The following ODAD2 variants were observed in gnomAD, a reference collection of about 807,000 sequenced individuals.
The protein encoded by ODAD2 is outer dynein arm docking complex subunit 2.
ODAD2 carries 89 observed loss-of-function variants against 106.8 expected under a neutral mutation model. The observed-to-expected ratio is 0.83, with a 90% confidence interval of 0.70 to 0.99. The LOEUF (loss-of-function observed/expected upper bound fraction) is 0.99, where lower values mean the gene tolerates loss of function less well. Ranked by LOEUF, ODAD2 falls within the 50% of genes least tolerant of loss-of-function variation. The pLI, the probability that ODAD2 is intolerant of heterozygous loss-of-function variation, is 0.00. For missense variants in ODAD2, 1,168 were observed against 1,238.5 expected (o/e 0.94, Z 0.85); for synonymous variants, 404 against 436.2 (o/e 0.93, Z 0.92).
chr10:27,957,306 A>C (rs1847801446), intron 10 of ODAD2: 1 of 152,240 alleles, frequency 6.6e-6, no homozygotes, highest in African/African-American at 2.4e-5. Flanking sequence ...CAGGGGGCTG[A>C]GAGTGAAGAA....
At position 27,961,606 on chromosome 10, in the gene ODAD2, C is replaced by G; in HGVS notation, c.1348G>C (p.Glu450Gln). Reference sequence around the variant, plus strand: ...ACCAGCTTCTGAATTTGCCAATATTCTGATGGCAAATCTGCACTTGCTTCC... The same window carrying G: ...ACCAGCTTCTGAATTTGCCAATATTGTGATGGCAAATCTGCACTTGCTTCC... ...RQEASADLPS[E>Q]YWQIQKLVKY... Residue 450 changes from glutamate to glutamine, a missense_variant, in exon 10 of 20, where the codon GAA (glutamate) becomes CAA (glutamine). Physicochemically the swap from Glu to Gln is conservative, Grantham distance 29. Around this residue, in one of 3 missense-constraint regions of ODAD2, gnomAD observed 37 missense variants for 74.1 expected, o/e 0.50. Coordinates refer to ENST00000305242, the MANE Select transcript of ODAD2 (RefSeq NM_018076.5). 1 of 1,612,064 alleles carries G rather than the reference C, an allele frequency of 6.2e-7. No homozygotes were observed. The highest frequency in any genetic ancestry group is 2.2e-5 in the East Asian group (1 of 44,864).
intron 16 of ODAD2, among the ~76,000 whole-genome samples, chr10:27,918,874 T>C (rs191294808): frequency 2.3e-3 from 347 of 150,818 alleles, no homozygotes; most frequent in African/African-American, 8.0e-3. Flanking sequence ...TATACAAAGG[T>C]ATATTCAAAA....
At chr10:27,911,074 T>G (rs1422901886) in intron 16 of ODAD2, among the ~76,000 whole-genome samples, 1 of 152,146 alleles carries the variant, frequency 6.6e-6, no homozygotes, top group Non-Finnish European at 1.5e-5. Context: ...ATACACAGAT[T>G]TTTTTCCAAA....
At chr10:27,980,502 T>C (rs867508934) in intron 7 of ODAD2, among the ~76,000 whole-genome samples, 35 of 151,990 alleles carry the variant, frequency 2.3e-4, no homozygotes, top group African/African-American at 8.2e-4. Context: ...ATTTAAAATA[T>C]AAGCTAAGGA....
intron 1 of ODAD2, 37 bp from the exon 2 acceptor site, chr10:27,995,217 C>T: frequency 6.4e-7 from 1 of 1,550,526 alleles, no homozygotes; most frequent in Non-Finnish European, 8.7e-7. Flanking sequence ...ACAACAGCGT[C>T]CACCTTTTCC....
intron 10 of ODAD2, among the ~76,000 whole-genome samples, chr10:27,961,001 A>G (rs185729453): frequency 6.1e-4 from 93 of 152,298 alleles, no homozygotes; most frequent in Non-Finnish European, 7.9e-4. Flanking sequence ...ATTATTATGT[A>G]AAATATTCTC....
chr10:27,958,935 C>T, intron 10 of ODAD2: 1 of 1,303,868 alleles, frequency 7.7e-7, no homozygotes. Flanking sequence ...CTTCCTGATC[C>T]ATCTTTTGTT....
chr10:27,876,000 G>A (rs1012695715), intron 17 of ODAD2, among the ~76,000 whole-genome samples: 1 of 152,178 alleles, frequency 6.6e-6, no homozygotes, highest in Non-Finnish European at 1.5e-5. Flanking sequence ...CCTGGGGGAG[G>A]GGCACCCGCC....
intron 2 of ODAD2, among the ~76,000 whole-genome samples, chr10:27,991,364 G>A (rs1588673353): frequency 6.6e-6 from 1 of 152,266 alleles, no homozygotes; most frequent in East Asian, 1.9e-4. Flanking sequence ...CATGAACAGG[G>A]CTATGCCCAT....
chr10:27,915,423 C>T (rs1202895087), intron 16 of ODAD2, among the ~76,000 whole-genome samples: 1 of 152,028 alleles, frequency 6.6e-6, no homozygotes, highest in Non-Finnish European at 1.5e-5. Flanking sequence ...GTAGAAGGGG[C>T]AAAGGAGCTC....
At chr10:27,905,932 A>C (rs1843556762) in intron 17 of ODAD2, among the ~76,000 whole-genome samples, 1 of 152,228 alleles carries the variant, frequency 6.6e-6, no homozygotes, top group African/African-American at 2.4e-5. Context: ...AAACGTAGGC[A>C]ATACCATTCA....
chr10:27,953,949 G>C (rs1401572494), intron 10 of ODAD2, among the ~76,000 whole-genome samples: 1 of 152,130 alleles, frequency 6.6e-6, no homozygotes, highest in African/African-American at 2.4e-5. Flanking sequence ...GCAAGAGCTG[G>C]GAAGAACCAC....
intron 9 of ODAD2, among the ~76,000 whole-genome samples, chr10:27,962,204 C>A (rs1365250490): frequency 1.3e-5 from 2 of 152,212 alleles, no homozygotes; most frequent in African/African-American, 2.4e-5. Flanking sequence ...AGTGAATGTC[C>A]TAAGCCTGCG....
intron 18 of ODAD2, among the ~76,000 whole-genome samples, chr10:27,861,300 T>C (rs1013258471): frequency 2.6e-5 from 4 of 152,130 alleles, no homozygotes; most frequent in African/African-American, 9.7e-5. Flanking sequence ...CTGAAGGAAC[T>C]AGACTTTTGG....
At chr10:27,932,924 C>T (rs1845709813) in intron 16 of ODAD2, among the ~76,000 whole-genome samples, 1 of 152,108 alleles carries the variant, frequency 6.6e-6, no homozygotes, top group Non-Finnish European at 1.5e-5. Context: ...CAGTGGCTAG[C>T]ACAAAAGATG....
At chr10:27,984,406 A>G (rs1299055032) in intron 4 of ODAD2, 116 bp from the exon 5 acceptor site, 1 of 702,386 alleles carries the variant, frequency 1.4e-6, no homozygotes, top group African/African-American at 1.8e-5. Context: ...ATTGCAGTTA[A>G]TTTTAGCCGT....
chr10:27,909,251 A>G (rs192626834), intron 16 of ODAD2, among the ~76,000 whole-genome samples: 61 of 152,326 alleles, frequency 4.0e-4, no homozygotes, highest in African/African-American at 1.2e-3. Context: ...ATTTAACTGT[A>G]TATTGCTGGA....
intron 9 of ODAD2, among the ~76,000 whole-genome samples, chr10:27,962,022 C>T (rs1327578782): frequency 6.6e-6 from 1 of 152,134 alleles, no homozygotes; most frequent in Non-Finnish European, 1.5e-5. Context: ...ACCTTTATTA[C>T]CTCATCACAC....
At chr10:27,835,744 G>A (rs888510423) in intron 19 of ODAD2, among the ~76,000 whole-genome samples, 3 of 152,182 alleles carry the variant, frequency 2.0e-5, no homozygotes, top group Middle Eastern at 6.8e-3. Flanking sequence ...GTCCAACATG[G>A]CGAAACACTG....
Sources: gnomAD v4.1 joint callset for allele counts (sites outside exome capture counted in the v4.1 genomes callset) on GRCh38, gnomAD v4.1.1 for gene constraint, gnomAD v4.1.1 regional missense constraint, MANE v1.5 for transcripts, NCBI Gene and HGNC (gene_info 2026-07-23, HGNC 2026-07-21) for gene names.